DPP10: variants seen among roughly 807,000 people sequenced by gnomAD.
DPP10 encodes dipeptidyl peptidase like 10, also known as inactive dipeptidyl peptidase 10.
A neutral mutation model predicts 120.9 loss-of-function variants in DPP10; 33 were observed. The ratio of observed to expected loss-of-function variants is 0.27; its 90% CI spans 0.21 to 0.37. DPP10 has a LOEUF of 0.37. Among genes scored for constraint, DPP10 ranks in the 10% least tolerant of loss-of-function variants. The pLI is 1.00. For synonymous variants in DPP10, 337 were observed against 326.1 expected (o/e 1.03, Z -0.36); for missense variants, 816 against 942.8 (o/e 0.87, Z 1.76).
chr2:115,470,260 A>G (rs1165375015), intron 3 of DPP10, among the ~76,000 whole-genome samples: 2 of 152,214 alleles, frequency 1.3e-5, no homozygotes, highest in East Asian at 3.9e-4. Context: ...ACATTAAAGA[A>G]GAATGTGTTT....
intron 1 of DPP10, among the ~76,000 whole-genome samples, chr2:115,235,900 G>T (rs914598644): frequency 2.6e-5 from 4 of 152,126 alleles, no homozygotes; most frequent in African/African-American, 4.8e-5. Flanking sequence ...ATAAGTACAC[G>T]ATGGAGGATG....
At chr2:114,489,744 C>T (rs968073916) in intron 1 of DPP10, among the ~76,000 whole-genome samples, 1 of 152,104 alleles carries the variant, frequency 6.6e-6, no homozygotes, top group Non-Finnish European at 1.5e-5. Context: ...TCAGATTATA[C>T]ATAACAAGTG....
chr2:115,063,568 C>T (rs759409858), intron 1 of DPP10, among the ~76,000 whole-genome samples: 2 of 152,104 alleles, frequency 1.3e-5, no homozygotes, highest in Non-Finnish European at 2.9e-5. Flanking sequence ...CAAAAACAGA[C>T]ACACAGACCA....
chr2:115,585,275 A>G (rs895190994), intron 5 of DPP10, among the ~76,000 whole-genome samples: 4 of 152,230 alleles, frequency 2.6e-5, no homozygotes, highest in African/African-American at 9.6e-5. Context: ...AGGTCTTAAT[A>G]TTAACAAATT....
intron 8 of DPP10, among the ~76,000 whole-genome samples, chr2:115,734,857 A>G (rs367698061): frequency 6.6e-6 from 1 of 152,136 alleles, no homozygotes; most frequent in African/African-American, 2.4e-5. Flanking sequence ...GGCACGTTCA[A>G]AAGGGAGTAA....
At chr2:114,470,284 A>G (rs1355191920) in intron 1 of DPP10, among the ~76,000 whole-genome samples, 2 of 152,210 alleles carry the variant, frequency 1.3e-5, no homozygotes, top group Admixed American at 1.3e-4. Flanking sequence ...AATTTAAGAC[A>G]CTAGTTCCCA....
chr2:115,091,547 C>T (rs566431357), intron 1 of DPP10, among the ~76,000 whole-genome samples: 1 of 152,216 alleles, frequency 6.6e-6, no homozygotes, highest in Non-Finnish European at 1.5e-5. Context: ...TCAACCCCAA[C>T]ATGTGTCTAT....
intron 1 of DPP10, among the ~76,000 whole-genome samples, chr2:114,820,891 G>C (rs1438032762): frequency 6.6e-6 from 1 of 152,152 alleles, no homozygotes; most frequent in African/African-American, 2.4e-5. Context: ...ATTTCAAAAT[G>C]ATATGTCTCC....
chr2:114,905,502 G>A (rs979484219), intron 1 of DPP10, among the ~76,000 whole-genome samples: 6 of 151,440 alleles, frequency 4.0e-5, no homozygotes, highest in South Asian at 4.2e-4. Context: ...TTTTAAATTC[G>A]GATTACAGAT....
intron 1 of DPP10, among the ~76,000 whole-genome samples, chr2:115,213,941 G>T (rs2056665446): frequency 6.6e-6 from 1 of 151,462 alleles, no homozygotes; most frequent in African/African-American, 2.4e-5. Flanking sequence ...AATAGAGGCA[G>T]GATTTATGGA....
intron 19 of DPP10, among the ~76,000 whole-genome samples, chr2:115,807,305 G>A (rs1232335793): frequency 6.6e-6 from 1 of 152,132 alleles, no homozygotes; most frequent in African/African-American, 2.4e-5. Context: ...TCTATTGGTT[G>A]TATTCTTATA....
intron 1 of DPP10, among the ~76,000 whole-genome samples, chr2:114,534,229 GC>G (rs1189597351): frequency 6.6e-6 from 1 of 152,056 alleles, no homozygotes; most frequent in Non-Finnish European, 1.5e-5. Flanking sequence ...ATGAATCATA[GC>G]TTTATGTTCC....
In DPP10 at chr2:115,845,540, T is replaced by G. The variant is rs1690546437; in HGVS notation, c.*3195T>G. ...TCTGTGGGCCGCAGAAGCCCATAGC[T>G]GCATACCCTTCTATTTTCCTCTTCC... On this transcript the variant is annotated 3_prime_UTR_variant, in exon 26 of 26. Transcript: ENST00000410059. The G allele has an allele frequency of 6.6e-6, 1 of 152,238 alleles. No individual in the cohort carries two copies. Among genetic ancestry groups the G allele is most frequent in the Non-Finnish European group, 1.5e-5 (1 of 68,062 alleles). The allele number at this position is 152,238 out of a possible 1,614,324, so 9.4% of individuals were successfully genotyped here.
intron 1 of DPP10, among the ~76,000 whole-genome samples, chr2:114,932,700 G>A (rs1696170194): frequency 6.6e-6 from 1 of 152,112 alleles, no homozygotes; most frequent in South Asian, 2.1e-4. Context: ...CCGAGGTGCT[G>A]GAAATGTTGT....
rs181585788 is a variant in DPP10 at position 115,334,034 on chromosome 2, T to G, written c.176-9783T>G. On this transcript the variant is annotated intron_variant, in intron 2 of 25. Coordinates refer to ENST00000410059, the MANE Select transcript of DPP10 (RefSeq NM_020868.6). ...TACCTCTGATTGGTGTACTTGAAAG[T>G]GACGGGGCGAATGGAACCAAGTTGG... 2.0e-3 allele frequency among the ~76,000 whole-genome samples: 308 copies of G among 151,850 alleles called. 2 individuals carry two copies. The highest frequency in any genetic ancestry group is 3.4e-3 in the Middle Eastern group (1 of 294).
chr2:114,874,325 A>G (rs951227931), intron 1 of DPP10, among the ~76,000 whole-genome samples: 3 of 152,156 alleles, frequency 2.0e-5, no homozygotes, highest in African/African-American at 7.2e-5. Context: ...CTTAAAAGGT[A>G]TGTTTGAGAC....
At chr2:115,027,265 T>C (rs1340971243) in intron 1 of DPP10, among the ~76,000 whole-genome samples, 2 of 152,218 alleles carry the variant, frequency 1.3e-5, no homozygotes, top group Non-Finnish European at 2.9e-5. Context: ...AAATATAAGA[T>C]TAAGTCATCT....
At chr2:114,809,213 G>T (rs1338720120) in intron 1 of DPP10, among the ~76,000 whole-genome samples, 1 of 152,138 alleles carries the variant, frequency 6.6e-6, no homozygotes, top group Non-Finnish European at 1.5e-5. Flanking sequence ...TTGTGTCCTA[G>T]ATTGGCCAAG....
chr2:115,504,127 G>C (rs2076824128), intron 4 of DPP10, among the ~76,000 whole-genome samples: 2 of 151,988 alleles, frequency 1.3e-5, no homozygotes, highest in African/African-American at 4.8e-5. Context: ...GCATGAGTAG[G>C]ATCATTTGGC....
Sources: allele counts gnomAD v4.1 joint callset (sites outside exome capture counted in the v4.1 genomes callset), GRCh38; gene constraint gnomAD v4.1.1; transcripts MANE v1.5; gene names NCBI Gene and HGNC (gene_info 2026-07-23, HGNC 2026-07-21).